Variants in SGCG observed in about 807,000 individuals in gnomAD.
SGCG encodes sarcoglycan gamma.
Under a neutral mutation model 29.3 loss-of-function variants are expected in SGCG, and 26 were observed. The observed-to-expected ratio is 0.89, with a 90% CI of 0.65 to 1.23. The LOEUF is 1.23. SGCG is among the 50% of genes most tolerant of loss of function. The probability of loss-of-function intolerance (pLI) is 0.00; values close to 1 mark genes in which losing one functional copy is unlikely to be tolerated. For missense variants in SGCG, 353 were observed against 356.0 expected (o/e 0.99, Z 0.07); for synonymous variants, 145 against 129.7 (o/e 1.12, Z -0.80).
chr13:23,311,191 T>C (rs1882587048), intron 6 of SGCG, among the ~76,000 whole-genome samples: 1 of 152,214 alleles, frequency 6.6e-6, no homozygotes, highest in Non-Finnish European at 1.5e-5. Context: ...ATATTACTCA[T>C]TAGTGCACTT....
chr13:23,225,286 T>G (rs1878853009), intron 2 of SGCG, among the ~76,000 whole-genome samples: 1 of 152,154 alleles, frequency 6.6e-6, no homozygotes, highest in Admixed American at 6.5e-5. Flanking sequence ...AATTGAAACA[T>G]TATTTTGTAT....
In SGCG at chr13:23,296,669, G is replaced by A. The variant is rs188079093; in HGVS notation, c.578+1182G>A. 1.7e-4 allele frequency among the ~76,000 whole-genome samples: 26 copies of A among 152,162 alleles called. No individual in the cohort carries two copies. The Middle Eastern group carries it at 0.01, about 60-fold the overall frequency. ...TAATCTGGGTGCCTCTCATATGAGCGAAATAATACAGTTTTTTCCTTTTGT... is the reference window on the plus strand; with the variant it reads ...TAATCTGGGTGCCTCTCATATGAGCAAAATAATACAGTTTTTTCCTTTTGT... On this transcript the variant is annotated intron_variant, in intron 6 of 7. Coordinates refer to ENST00000218867, the MANE Select transcript of SGCG (RefSeq NM_000231.3).
intron 4 of SGCG, among the ~76,000 whole-genome samples, chr13:23,276,911 G>T (rs1196544241): frequency 2.6e-5 from 4 of 152,192 alleles, no homozygotes; most frequent in African/African-American, 9.7e-5. Context: ...GTGAACCACA[G>T]AATTCTTTAA....
intron 3 of SGCG, chr13:23,246,581 G>A (rs894952998): frequency 5.8e-6 from 1 of 173,544 alleles, no homozygotes; most frequent in African/African-American, 2.4e-5. Flanking sequence ...GATAGCCTTT[G>A]ACTGTTGCCC....
intron 4 of SGCG, among the ~76,000 whole-genome samples, chr13:23,261,921 G>A (rs937011188): frequency 6.6e-6 from 1 of 152,056 alleles, no homozygotes; most frequent in South Asian, 2.1e-4. Context: ...TTTCATAAAT[G>A]AAGGAAAAAT....
intron 1 of SGCG, among the ~76,000 whole-genome samples, chr13:23,182,002 G>A (rs143951544): frequency 6.6e-6 from 1 of 152,200 alleles, no homozygotes; most frequent in Non-Finnish European, 1.5e-5. Flanking sequence ...ATAGGTTCTA[G>A]GATTCATTTC....
rs147045410 is a variant in SGCG at position 23,264,458 on chromosome 13, A to G, written c.385+13741A>G. Among the ~76,000 whole-genome samples the G allele has an allele frequency of 4.0e-3, 615 of 152,238 alleles. 8 individuals carry two copies. Among genetic ancestry groups the G allele is most frequent in the African/African-American group, 0.014 (583 of 41,562 alleles). On this transcript the variant is annotated intron_variant, in intron 4 of 7. Coordinates refer to ENST00000218867, the MANE Select transcript of SGCG (RefSeq NM_000231.3). ...GCAAGCAAATTGAAATACATCTCAT[A>G]TTCATGTATTAGAAGAATCAATATT...
intron 1 of SGCG, among the ~76,000 whole-genome samples, chr13:23,192,734 TGAAGTATGAGTAAAGA>T: frequency 6.6e-6 from 1 of 152,210 alleles, no homozygotes; most frequent in East Asian, 1.9e-4. Context: ...GAGAGATGTA[TGAAGTATGAGTAAAGA>T]TAGAATAATT....
At chr13:23,218,516 GTTGT>G (rs879833212) in intron 2 of SGCG, among the ~76,000 whole-genome samples, 4 of 152,044 alleles carry the variant, frequency 2.6e-5, no homozygotes, top group Non-Finnish European at 5.9e-5. Context: ...AATTATTTAA[GTTGT>G]TTATTAAGGT....
At chr13:23,168,180 G>T in the SGCG span, among the ~76,000 whole-genome samples, 1 of 152,028 alleles carries the variant, frequency 6.6e-6, no homozygotes, top group African/African-American at 2.4e-5. Context: ...TTTTCACATC[G>T]TTGTTTGTTT....
At chr13:23,184,277 T>A (rs1033548510) in intron 1 of SGCG, among the ~76,000 whole-genome samples, 6 of 152,204 alleles carry the variant, frequency 3.9e-5, no homozygotes, top group African/African-American at 1.4e-4. Flanking sequence ...TTGAAATAAC[T>A]TCCTTTTCTT....
chr13:23,324,436 C>T lies in SGCG; in HGVS notation c.771C>T (p.Ser257=). ...AGGGGACGTGGGGTCCCTCTGGCAG[C>T]TCACAGAGCCTCTACGAAATCTGTG... The part of the protein sequence containing the change: ...LVQGTWGPSG[S]SQSLYEICVC... The change falls in exon 8 of 8, where the codon AGC becomes AGT. Residue 257 remains serine, a synonymous_variant. Coordinates refer to ENST00000218867, the MANE Select transcript of SGCG (RefSeq NM_000231.3). 2 of 1,614,126 alleles carry T rather than the reference C, an allele frequency of 1.2e-6. No homozygotes were observed. Among genetic ancestry groups the T allele is most frequent in the African/African-American group, 2.7e-5 (2 of 75,044 alleles).
At chr13:23,273,633 G>T (rs1880951781) in intron 4 of SGCG, among the ~76,000 whole-genome samples, 1 of 152,160 alleles carries the variant, frequency 6.6e-6, no homozygotes, top group Non-Finnish European at 1.5e-5. Flanking sequence ...TCACCCAAAA[G>T]TTATTTAAAG....
chr13:23,224,310 A>T (rs1244186188), intron 2 of SGCG, among the ~76,000 whole-genome samples: 1 of 152,214 alleles, frequency 6.6e-6, no homozygotes, highest in Non-Finnish European at 1.5e-5. Flanking sequence ...GGCTCCTCCC[A>T]TTCCACACTG....
chr13:23,282,660 T>G (rs1374047754), intron 5 of SGCG, among the ~76,000 whole-genome samples: 1 of 152,180 alleles, frequency 6.6e-6, no homozygotes, highest in African/African-American at 2.4e-5. Context: ...AGGGCATGCA[T>G]GATCACATTC....
intron 4 of SGCG, among the ~76,000 whole-genome samples, chr13:23,277,647 G>A (rs191460417): frequency 3.6e-4 from 55 of 151,422 alleles, no homozygotes; most frequent in South Asian, 6.3e-4. Flanking sequence ...TAGGGTCAGA[G>A]GGGACACACA....
chr13:23,317,435 AG>A (rs1408017822), intron 6 of SGCG, among the ~76,000 whole-genome samples: 1 of 147,190 alleles, frequency 6.8e-6, no homozygotes, highest in Admixed American at 6.6e-5. Flanking sequence ...CTGAAGGCAA[AG>A]GGAATACAGA....
At chr13:23,316,587 G>A (rs999152713) in intron 6 of SGCG, among the ~76,000 whole-genome samples, 3 of 152,170 alleles carry the variant, frequency 2.0e-5, no homozygotes, top group South Asian at 2.1e-4. Flanking sequence ...CTGAATCAGC[G>A]TCCAATATGT....
At chr13:23,279,574 C>A in intron 5 of SGCG, 96 bp downstream of exon 5, 1 of 1,257,314 alleles carries the variant, frequency 8.0e-7, no homozygotes, top group Non-Finnish European at 1.1e-6. Context: ...ATCTTTCAAG[C>A]AGATAAGAGA....
Sources: allele counts gnomAD v4.1 joint callset (sites outside exome capture counted in the v4.1 genomes callset), GRCh38; gene constraint gnomAD v4.1.1; transcripts MANE v1.5; gene names NCBI Gene and HGNC (gene_info 2026-07-23, HGNC 2026-07-21).